Variants in SLC37A1 observed in about 807,000 individuals in gnomAD.
SLC37A1 encodes solute carrier family 37 member 1.
SLC37A1 carries 49 observed loss-of-function variants against 75.3 expected under a neutral mutation model. The ratio of observed to expected loss-of-function variants is 0.65; its 90% CI spans 0.52 to 0.83. The LOEUF (loss-of-function observed/expected upper bound fraction) is 0.83, where lower values mean the gene tolerates loss of function less well. Ranked by LOEUF, SLC37A1 falls within the 40% of genes least tolerant of loss-of-function variation. The probability of loss-of-function intolerance (pLI) is 0.00; values close to 1 mark genes in which losing one functional copy is unlikely to be tolerated. For missense variants in SLC37A1, 566 were observed against 695.0 expected (o/e 0.81, Z 2.09); for synonymous variants, 268 against 292.1 (o/e 0.92, Z 0.84).
rs565913581 is a variant in SLC37A1, at chr21:42,541,288, G to A, written c.487-1116G>A. On this transcript the variant is annotated intron_variant, in intron 6 of 19. Transcript: ENST00000352133. ...TGCTGTGTGGCCCGGTTCCTAATAG[G>A]CCACGGATCAGGACTAGTCTGTGCC... 2.0e-4 allele frequency among the ~76,000 whole-genome samples: 30 copies of A among 152,264 alleles called. 1 individual carries two copies. The highest frequency in any genetic ancestry group is 7.0e-4 in the African/African-American group (29 of 41,544).
At chr21:42,508,607 T>C (rs530724024) in intron 2 of SLC37A1, 2 of 152,344 alleles carry the variant, frequency 1.3e-5, no homozygotes, top group South Asian at 4.1e-4. Context: ...ACAGATGGGC[T>C]CAGGCAACAA....
chr21:42,564,856 C>A (rs904757689), intron 14 of SLC37A1, 63 bp downstream of exon 14: 1 of 1,469,172 alleles, frequency 6.8e-7, no homozygotes, highest in Non-Finnish European at 9.4e-7. Flanking sequence ...GTCCTCCTCG[C>A]CAGCCAGCAT....
At chr21:42,566,878 C>A in intron 15 of SLC37A1, 107 bp from the exon 16 acceptor site, 1 of 1,111,292 alleles carries the variant, frequency 9.0e-7, no homozygotes, top group South Asian at 1.4e-5. Flanking sequence ...GCTGTTTCTG[C>A]TGCATCCCCT....
intron 8 of SLC37A1, 122 bp from the exon 9 acceptor site, chr21:42,546,981 C>A: frequency 8.7e-7 from 1 of 1,150,934 alleles, no homozygotes; most frequent in South Asian, 1.3e-5. Flanking sequence ...TAATGTGAAT[C>A]CTGCATACAG....
Position 42,514,126 on chromosome 21 carries a change from T to A in SLC37A1, c.-770T>A, listed in dbSNP as rs1018340843. On this transcript the variant is annotated 5_prime_UTR_variant, in exon 1 of 20. In the 5' UTR this introduces an upstream ATG that the reference lacks. Transcript: ENST00000352133. This position sits in a 1 kb window ranked among gnomAD's most constrained non-coding sequence, Gnocchi z 4.8. The stretch of plus-strand genomic sequence containing the variant: ...TTTTCGGGGGGAGGTGGGGGCTGGT[T>A]TGGATGTTTTCCGAGAGCCGGGGAC... 1 of 151,160 alleles carries A rather than the reference T, an allele frequency of 6.6e-6. No homozygotes were observed. The highest frequency in any genetic ancestry group is 1.5e-5 in the Non-Finnish European group (1 of 67,744). The allele number at this position is 151,160 out of a possible 1,614,324, so 9.4% of individuals were successfully genotyped here. A position where few individuals can be genotyped will look rare whatever the true frequency, so the allele number is the denominator to read the frequency against.
rs2055874611 is a variant in SLC37A1, at chr21:42,563,069, C to T, written c.1073-746C>T. On this transcript the variant is annotated intron_variant, in intron 12 of 19. Coordinates refer to ENST00000352133, the MANE Select transcript of SLC37A1 (RefSeq NM_001320537.2). ...GTCCCACAGCCTAGCAGGGACAGGG[C>T]CTGCCCCAAGGGCCAGTGACTGGGG... Among the ~76,000 whole-genome samples, 3 of 152,112 alleles carry T rather than the reference C, an allele frequency of 2.0e-5. No homozygotes were observed. In the East Asian group the frequency reaches 5.8e-4, roughly 29 times the overall value.
intron 17 of SLC37A1, among the ~76,000 whole-genome samples, chr21:42,571,588 C>T (rs139834167): frequency 3.9e-5 from 6 of 152,190 alleles, no homozygotes; most frequent in Admixed American, 1.3e-4. Flanking sequence ...TGCTTACCTA[C>T]GTATTTCCAT....
In SLC37A1 at chr21:42,525,849, A is replaced by G. The variant is rs760302126; in HGVS notation, c.130A>G (p.Ile44Val). The G allele has an allele frequency of 1.4e-5, 22 of 1,613,256 alleles. No individual in the cohort carries two copies. Among genetic ancestry groups the G allele is most frequent in the East Asian group, 2.2e-5 (1 of 44,892 alleles). ...TCACTTATCTCGAAAGCCTATCAGC[A>G]TAGTTAAGGTAAGAATCATGGAAAG... ...SFHLSRKPIS[I>V]VKGELHKYCT... Residue 44 changes from isoleucine (I) to valine (V), a missense_variant, in exon 3 of 20, where the codon ATA becomes GTA. By Grantham distance (29) the Ile-to-Val change is conservative. Transcript: ENST00000352133.
Position 42,580,828 on chromosome 21 carries a change from C to T in SLC37A1, c.*468C>T, listed in dbSNP as rs1282052525. Reference sequence around the variant, plus strand: ...GACACCAGAGCCCACCAGACAGTGCCGGCCAGCAGAGAAGCAGAGAGCCAG... The same window carrying T: ...GACACCAGAGCCCACCAGACAGTGCTGGCCAGCAGAGAAGCAGAGAGCCAG... On this transcript the variant is annotated 3_prime_UTR_variant, in exon 20 of 20. Coordinates refer to ENST00000352133, the MANE Select transcript of SLC37A1 (RefSeq NM_001320537.2). The T allele has an allele frequency of 1.7e-5, 3 of 179,596 alleles. No individual in the cohort carries two copies. Among genetic ancestry groups the T allele is most frequent in the East Asian group, 1.8e-4 (1 of 5,650 alleles). 11.1% of individuals were successfully genotyped at this position (179,596 alleles called of 1,614,324 possible). A position where few individuals can be genotyped will look rare whatever the true frequency, so the allele number is the denominator to read the frequency against.
intron 2 of SLC37A1, among the ~76,000 whole-genome samples, chr21:42,521,431 T>A (rs868324118): frequency 2.0e-5 from 3 of 152,284 alleles, no homozygotes; most frequent in South Asian, 4.1e-4. Flanking sequence ...GTCTTTGGAC[T>A]AATTTCTGCA....
intron 3 of SLC37A1, among the ~76,000 whole-genome samples, chr21:42,532,952 G>A (rs1277448912): frequency 6.6e-6 from 1 of 152,224 alleles, no homozygotes; most frequent in African/African-American, 2.4e-5. Flanking sequence ...TCACGTGACC[G>A]TGGAGCAGCT....
intron 17 of SLC37A1, among the ~76,000 whole-genome samples, chr21:42,570,191 G>A (rs1374347575): frequency 9.0e-6 from 1 of 110,694 alleles, no homozygotes; most frequent in Non-Finnish European, 1.9e-5. Flanking sequence ...TGTGACACAT[G>A]GCCTGGTTCT....
chr21:42,502,956 C>T (rs1282009362), intron 2 of SLC37A1: 1 of 152,188 alleles, frequency 6.6e-6, no homozygotes, highest in African/African-American at 2.4e-5. Flanking sequence ...CCAATAATCT[C>T]ACTTCCCAAA....
At chr21:42,542,582 CT>C in intron 7 of SLC37A1, 102 bp downstream of exon 7, 1 of 1,133,190 alleles carries the variant, frequency 8.8e-7, no homozygotes, top group Non-Finnish European at 1.3e-6. Context: ...TTAGTATCCT[CT>C]TTAAAATAAG....
Position 42,539,376 on chromosome 21 carries a change from C to T in SLC37A1, c.351-136C>T, listed in dbSNP as rs1445731713. 2.8e-6 allele frequency: 3 copies of T among 1,075,234 alleles called. No homozygotes were observed. In the African/African-American group the frequency reaches 4.9e-5, roughly 17 times the overall value. The allele number at this position is 1,075,234 out of a possible 1,614,324, so 66.6% of individuals were successfully genotyped here. A position where few individuals can be genotyped will look rare whatever the true frequency, so the allele number is the denominator to read the frequency against. On this transcript the variant is annotated intron_variant, in intron 5 of 19. Transcript: ENST00000352133. ...TAGGGAAATAAGTGTATGAAATCTT[C>T]CTGGAAATTGTAAGGCTTGAGAGTT... is the stretch of plus-strand genomic sequence containing the variant.
chr21:42,520,550 G>A (rs933053535), intron 2 of SLC37A1, among the ~76,000 whole-genome samples: 41 of 152,182 alleles, frequency 2.7e-4, no homozygotes, highest in African/African-American at 9.7e-4. Flanking sequence ...AAGAGGGAGG[G>A]GAACTGGAAG....
At position 42,548,727 on chromosome 21, in the gene SLC37A1, T is replaced by G. The variant is rs528933157; in HGVS notation, c.768+1587T>G. On this transcript the variant is annotated intron_variant, in intron 9 of 19. Coordinates refer to ENST00000352133, the MANE Select transcript of SLC37A1 (RefSeq NM_001320537.2). The surrounding 1 kb of genome is among the most constrained non-coding windows in gnomAD (Gnocchi z 5.6). ...GCACATCAGCCCTTGCACAACACAGTCCAGTGGCTCCATGTCGCCCCGTGT... is the reference window on the plus strand; with the variant it reads ...GCACATCAGCCCTTGCACAACACAGGCCAGTGGCTCCATGTCGCCCCGTGT... Among the ~76,000 whole-genome samples the G allele has an allele frequency of 3.4e-4, 52 of 152,292 alleles. No homozygotes were observed. Among genetic ancestry groups the G allele is most frequent in the African/African-American group, 1.2e-3 (50 of 41,556 alleles).
rs755393258 is a variant in SLC37A1, at chr21:42,552,490, G to A, written c.769-1572G>A. ...GTCTTTTCGTTCTTCCCCTGTGCAT[G>A]GCTTCATGCCAAAGGTGATATATTC... On this transcript the variant is annotated intron_variant, in intron 9 of 19. Coordinates refer to ENST00000352133, the MANE Select transcript of SLC37A1 (RefSeq NM_001320537.2). This position sits in a 1 kb window ranked among gnomAD's most constrained non-coding sequence, Gnocchi z 4.2. Among the ~76,000 whole-genome samples, 1 of 152,212 alleles carries A rather than the reference G, an allele frequency of 6.6e-6. No individual in the cohort carries two copies. Among genetic ancestry groups the A allele is most frequent in the Non-Finnish European group, 1.5e-5 (1 of 68,040 alleles).
At chr21:42,568,957 C>T (rs574396304) in intron 17 of SLC37A1, among the ~76,000 whole-genome samples, 16 of 152,368 alleles carry the variant, frequency 1.1e-4, no homozygotes, top group South Asian at 8.3e-4. Flanking sequence ...TGCAGCCTGA[C>T]GGCACGGCTG....
Sources: gnomAD v4.1 joint callset for allele counts (sites outside exome capture counted in the v4.1 genomes callset) on GRCh38, gnomAD v4.1.1 for gene constraint, Gnocchi (gnomAD v3.1) non-coding constraint, MANE v1.5 for transcripts, NCBI Gene and HGNC (gene_info 2026-07-23, HGNC 2026-07-21) for gene names.